The following RHEX variants were observed in gnomAD, a reference collection of about 807,000 sequenced individuals.
RHEX encodes the protein regulator of hemoglobinization and erythroid cell expansion.
RHEX carries 18 observed loss-of-function variants against 20.1 expected under a neutral mutation model. That is an observed-to-expected ratio of 0.90 (90% CI 0.62 to 1.33). The LOEUF (loss-of-function observed/expected upper bound fraction) is 1.33, where lower values mean the gene tolerates loss of function less well. Among genes scored for constraint, RHEX ranks in the 40% most tolerant of loss-of-function variants. The pLI, the probability that RHEX is intolerant of heterozygous loss-of-function variation, is 0.00. For missense variants in RHEX, 192 were observed against 214.3 expected, an observed-to-expected ratio of 0.90 and a Z score of 0.65; for synonymous variants, 87 against 77.1, an observed-to-expected ratio of 1.13 and a Z score of -0.67.
intron 1 of RHEX, among the ~76,000 whole-genome samples, chr1:206,053,523 G>A (rs1553282088): frequency 6.6e-6 from 1 of 152,200 alleles, no homozygotes; most frequent in African/African-American, 2.4e-5. Flanking sequence ...TGTGTGTGGT[G>A]TGGGTGTGGT....
In RHEX at chr1:206,099,947, T is replaced by C. The variant is rs1286434506; in HGVS notation, c.256+149T>C. 6 of 696,036 alleles carry C rather than the reference T, an allele frequency of 8.6e-6. No homozygotes were observed. In the Admixed American group the frequency reaches 1.5e-4, roughly 17 times the overall value. 43.1% of individuals were successfully genotyped at this position (696,036 alleles called of 1,614,324 possible). The stretch of plus-strand genomic sequence containing the variant: ...ATCAGGACAGCCTTGCCAGCCTACT[T>C]TTTTTCAGAAAGGTGTTTTATTCTA... On this transcript the variant is annotated intron_variant, in intron 4 of 5. Transcript: ENST00000331555.
At chr1:206,063,540 C>A (rs904589197) in intron 1 of RHEX, among the ~76,000 whole-genome samples, 1 of 152,248 alleles carries the variant, frequency 6.6e-6, no homozygotes, top group Non-Finnish European at 1.5e-5. Flanking sequence ...TGCAGGCGCG[C>A]GCCGCCACGC....
intron 1 of RHEX, among the ~76,000 whole-genome samples, chr1:206,068,859 G>A (rs1558171639): frequency 6.6e-6 from 1 of 152,210 alleles, no homozygotes; most frequent in African/African-American, 2.4e-5. Context: ...AGGACAAGAA[G>A]CATTCTTTGT....
chr1:206,057,623 T>A (rs1431806725), intron 1 of RHEX, among the ~76,000 whole-genome samples: 1 of 152,270 alleles, frequency 6.6e-6, no homozygotes, highest in Non-Finnish European at 1.5e-5. Flanking sequence ...TATGCTAAGC[T>A]GCCTGATCAG....
intron 1 of RHEX, among the ~76,000 whole-genome samples, chr1:206,088,582 C>A (rs1306800235): frequency 6.6e-6 from 1 of 152,132 alleles, no homozygotes; most frequent in Non-Finnish European, 1.5e-5. Flanking sequence ...ACTCGGGAGG[C>A]TGAGGCAGTA....
At chr1:206,097,661 G>C in intron 1 of RHEX, 72 bp from the exon 2 acceptor site, 1 of 868,760 alleles carries the variant, frequency 1.2e-6, no homozygotes, top group Non-Finnish European at 1.8e-6. Context: ...TGATCCTCAA[G>C]TAGCTGAGTT....
At chr1:206,091,543 T>A (rs1488509938) in intron 1 of RHEX, among the ~76,000 whole-genome samples, 2 of 152,220 alleles carry the variant, frequency 1.3e-5, no homozygotes, top group East Asian at 3.8e-4. Flanking sequence ...TTTACCAAGA[T>A]CATAATTTTA....
intron 1 of RHEX, among the ~76,000 whole-genome samples, chr1:206,064,445 T>A (rs1277668648): frequency 2.5e-5 from 1 of 39,790 alleles, no homozygotes; most frequent in African/African-American, 1.5e-4. Flanking sequence ...GGTGGGGGGG[T>A]CAGCCCCCCG....
intron 1 of RHEX, among the ~76,000 whole-genome samples, chr1:206,089,508 GT>G (rs1305201629): frequency 1.3e-5 from 2 of 152,014 alleles, no homozygotes; most frequent in Non-Finnish European, 1.5e-5. Context: ...CATTTCTTCA[GT>G]TTTTGTTTTT....
chr1:206,081,316 A>AT, intron 1 of RHEX, among the ~76,000 whole-genome samples: 1 of 152,360 alleles, frequency 6.6e-6, no homozygotes, highest in East Asian at 1.9e-4. Context: ...TACAGAGAAC[A>AT]AGACAGACTT....
chr1:206,087,471 T>C (rs961048745), intron 1 of RHEX, among the ~76,000 whole-genome samples: 9 of 151,730 alleles, frequency 5.9e-5, no homozygotes, highest in African/African-American at 2.2e-4. Flanking sequence ...CAATTCATTA[T>C]TCTTCACCTG....
At position 206,097,775 on chromosome 1, in the gene RHEX, C is replaced by T; in HGVS notation, c.-54C>T. Reference sequence around the variant, plus strand: ...GGTGGCACTACTGAGAGACGAGGTGCCAGGGTGGTTCCTGAAAGTGCCTGA... The same window carrying T: ...GGTGGCACTACTGAGAGACGAGGTGTCAGGGTGGTTCCTGAAAGTGCCTGA... On this transcript the variant is annotated 5_prime_UTR_variant, in exon 2 of 6. Transcript: ENST00000331555. The T allele has an allele frequency of 6.2e-7, 1 of 1,614,062 alleles. No homozygotes were observed. The highest frequency in any genetic ancestry group is 1.7e-5 in the Admixed American group (1 of 60,022).
At chr1:206,064,594 C>G (rs1209625570) in intron 1 of RHEX, among the ~76,000 whole-genome samples, 1 of 135,240 alleles carries the variant, frequency 7.4e-6, no homozygotes, top group Non-Finnish European at 1.6e-5. Flanking sequence ...GCCCGGCCGC[C>G]CCTACTGGGA....
chr1:206,097,206 G>A (rs1398841131), intron 1 of RHEX, among the ~76,000 whole-genome samples: 7 of 152,156 alleles, frequency 4.6e-5, no homozygotes, highest in Non-Finnish European at 4.4e-5. Flanking sequence ...TTTCTCGCTC[G>A]CTGTCTGGGT....
intron 1 of RHEX, among the ~76,000 whole-genome samples, chr1:206,069,446 G>A (rs142908143): frequency 3.0e-3 from 451 of 152,262 alleles, no homozygotes; most frequent in African/African-American, 0.01. Context: ...TCAACGTCCC[G>A]AGCCAGGGCT....
At chr1:206,091,522 C>T (rs1553287015) in intron 1 of RHEX, among the ~76,000 whole-genome samples, 1 of 152,174 alleles carries the variant, frequency 6.6e-6, no homozygotes, top group Non-Finnish European at 1.5e-5. Flanking sequence ...TTATCCAGTA[C>T]ATTTTGGCAC....
At chr1:206,072,738 A>G (rs1179970473) in intron 1 of RHEX, among the ~76,000 whole-genome samples, 1 of 152,078 alleles carries the variant, frequency 6.6e-6, no homozygotes, top group Admixed American at 6.6e-5. Context: ...TTACTGCCCA[A>G]AGAAAGCAGG....
At chr1:206,091,652 G>A (rs193008603) in intron 1 of RHEX, among the ~76,000 whole-genome samples, 3 of 152,306 alleles carry the variant, frequency 2.0e-5, no homozygotes, top group Admixed American at 2.0e-4. Context: ...TAGGAAACAT[G>A]AGTCTTCCAG....
intron 1 of RHEX, among the ~76,000 whole-genome samples, chr1:206,055,030 T>C (rs921359012): frequency 1.3e-5 from 2 of 152,294 alleles, no homozygotes; most frequent in South Asian, 2.1e-4. Context: ...GTTATGCTTG[T>C]GCACATGGCA....
Sources: allele counts gnomAD v4.1 joint callset (sites outside exome capture counted in the v4.1 genomes callset), GRCh38; gene constraint gnomAD v4.1.1; transcripts MANE v1.5; gene names NCBI Gene and HGNC (gene_info 2026-07-23, HGNC 2026-07-21).